Variants in CD6 observed in about 807,000 individuals in gnomAD.
CD6 encodes the protein CD6 molecule.
In CD6, 53 loss-of-function variants were observed where a neutral mutation model predicts 75.3. The ratio of observed to expected loss-of-function variants is 0.70; its 90% CI spans 0.56 to 0.88. CD6 has a LOEUF of 0.88. Ranked by LOEUF, CD6 falls within the 40% of genes least tolerant of loss-of-function variation. The pLI, the probability that CD6 is intolerant of heterozygous loss-of-function variation, is 0.00. For missense variants in CD6, 770 were observed against 897.1 expected (o/e 0.86, Z 1.81); for synonymous variants, 359 against 381.5 (o/e 0.94, Z 0.69).
At chr11:60,985,487 C>T (rs1469982870) in intron 1 of CD6, among the ~76,000 whole-genome samples, 1 of 151,972 alleles carries the variant, frequency 6.6e-6, no homozygotes, top group African/African-American at 2.4e-5. Context: ...ACCCGGCCAC[C>T]CTCTCCTTTT....
At chr11:61,010,302 A>T (rs888012995) in intron 5 of CD6, among the ~76,000 whole-genome samples, 4 of 151,916 alleles carry the variant, frequency 2.6e-5, no homozygotes, top group Middle Eastern at 3.2e-3. Context: ...CCTCATACCC[A>T]CTCTATGAGT....
At chr11:60,986,459 G>A (rs1857819240) in intron 1 of CD6, among the ~76,000 whole-genome samples, 1 of 152,172 alleles carries the variant, frequency 6.6e-6, no homozygotes, top group African/African-American at 2.4e-5. Flanking sequence ...AGGTAAAATG[G>A]GTGTGGCCAT....
At chr11:61,004,799 C>T (rs909182784) in intron 1 of CD6, among the ~76,000 whole-genome samples, 3 of 152,236 alleles carry the variant, frequency 2.0e-5, no homozygotes, top group African/African-American at 7.2e-5. Flanking sequence ...GGGTCAACAT[C>T]CCCTTCCCTC....
At chr11:61,006,392 G>A (rs531909124) in intron 1 of CD6, among the ~76,000 whole-genome samples, 182 bp from the exon 2 acceptor site, 1 of 152,298 alleles carries the variant, frequency 6.6e-6, no homozygotes, top group East Asian at 1.9e-4. Context: ...AAATGCCAAT[G>A]TTTGAGAACT....
intron 8 of CD6, 118 bp from the exon 9 acceptor site, chr11:61,015,595 G>T: frequency 8.5e-7 from 1 of 1,178,572 alleles, no homozygotes; most frequent in Non-Finnish European, 1.2e-6. Flanking sequence ...AAAAAAGGGG[G>T]CTACTTGGTG....
intron 9 of CD6, chr11:61,017,162 C>T: frequency 5.6e-6 from 2 of 357,868 alleles, no homozygotes; most frequent in South Asian, 6.6e-5. Flanking sequence ...CTTCTCCTGC[C>T]CAGAGCTGCC....
In CD6 at chr11:61,015,769, T is replaced by C. The variant is rs1859371427; in HGVS notation, c.1444T>C (p.Ser482Pro). Residue 482 changes from serine (S) to proline (P), a missense_variant, in exon 9 of 13, where the codon TCG (serine) becomes CCG (proline). Transcript: ENST00000313421. ...APPPEDSDSG[S>P]DSDYEHYDFS... ...GCCCCCTGAGGACTCAGACTCTGGC[T>C]CGGACTCAGACTATGAGCACTATGA... The C allele has an allele frequency of 6.2e-7, 1 of 1,614,076 alleles. No homozygotes were observed. Among genetic ancestry groups the C allele is most frequent in the Admixed American group, 1.7e-5 (1 of 60,002 alleles).
intron 1 of CD6, among the ~76,000 whole-genome samples, chr11:60,979,551 C>T (rs769325711): frequency 3.3e-5 from 5 of 151,978 alleles, no homozygotes; most frequent in Non-Finnish European, 7.4e-5. Flanking sequence ...ACTGCAACCT[C>T]CGCCTCCCAG....
Position 61,014,023 on chromosome 11 carries a change from TC to T in CD6, c.1387+14del. ...CACCATCCCCAAAGAAGGTAGGATG[TC>T]CCCCATCCTGGGTGTGGGAGGGCTG... On this transcript the variant is annotated intron_variant, in intron 8 of 12. Transcript: ENST00000313421. 6.3e-7 allele frequency: 1 copy of T among 1,599,778 alleles called. No homozygotes were observed. Among genetic ancestry groups the T allele is most frequent in the Non-Finnish European group, 8.6e-7 (1 of 1,169,464 alleles).
At chr11:61,012,258 G>A (rs540764990) in intron 6 of CD6, among the ~76,000 whole-genome samples, 7 of 152,286 alleles carry the variant, frequency 4.6e-5, no homozygotes, top group Admixed American at 3.9e-4. Context: ...AGGTTGGAGT[G>A]GGGATCCACG....
chr11:61,004,105 G>A (rs1009118152), intron 1 of CD6, among the ~76,000 whole-genome samples: 6 of 152,198 alleles, frequency 3.9e-5, no homozygotes, highest in Non-Finnish European at 7.3e-5. Flanking sequence ...CTTTATGCAT[G>A]AGAAAGTGGT....
chr11:60,999,671 A>G (rs1001189510), intron 1 of CD6, among the ~76,000 whole-genome samples: 2 of 152,074 alleles, frequency 1.3e-5, no homozygotes, highest in African/African-American at 4.8e-5. Context: ...CAACCCCCCA[A>G]TCACTTTTAG....
chr11:61,005,282 T>G (rs1399833265), intron 1 of CD6, among the ~76,000 whole-genome samples: 5 of 152,144 alleles, frequency 3.3e-5, no homozygotes, highest in African/African-American at 7.2e-5. Flanking sequence ...TGAGTCCGAG[T>G]AGGAGACAGT....
intron 11 of CD6, 61 bp downstream of exon 11, chr11:61,018,074 G>C (rs1347462623): frequency 1.3e-6 from 2 of 1,580,008 alleles, no homozygotes; most frequent in Non-Finnish European, 8.6e-7. Context: ...GAGGCATAAA[G>C]CTGGGAGCCC....
Position 61,020,011 on chromosome 11 carries a change from C to T in CD6, c.*693C>T, listed in dbSNP as rs1382472883. 8 of 397,188 alleles carry T rather than the reference C, an allele frequency of 2.0e-5. No homozygotes were observed. Among genetic ancestry groups the T allele is most frequent in the Non-Finnish European group, 8.9e-6 (2 of 225,840 alleles). 24.6% of individuals were successfully genotyped at this position (397,188 alleles called of 1,614,324 possible). A position where few individuals can be genotyped will look rare whatever the true frequency, so the allele number is the denominator to read the frequency against. On this transcript the variant is annotated 3_prime_UTR_variant, in exon 13 of 13. Transcript: ENST00000313421. ...AGAGACACTCCAAGTCCGCCAGGGG[C>T]ACAGACCAGTTCTGCAGTGACTGTC...
intron 1 of CD6, among the ~76,000 whole-genome samples, chr11:60,985,661 T>C (rs1216136490): frequency 6.6e-6 from 1 of 152,144 alleles, no homozygotes; most frequent in African/African-American, 2.4e-5. Flanking sequence ...CTCCATTCAT[T>C]AAGAAGTGTT....
At chr11:60,976,218 T>C (rs1039632208) in intron 1 of CD6, among the ~76,000 whole-genome samples, 2 of 152,228 alleles carry the variant, frequency 1.3e-5, no homozygotes, top group Non-Finnish European at 2.9e-5. Flanking sequence ...CTCCATTCTG[T>C]ATGTCCATGT....
rs1392958609 is a variant in CD6, at chr11:61,008,907, G to A, written c.781+62G>A. 7 of 1,386,952 alleles carry A rather than the reference G, an allele frequency of 5.0e-6. No homozygotes were observed. In the African/African-American group the frequency reaches 7.2e-5, roughly 14 times the overall value. 85.9% of individuals were successfully genotyped at this position (1,386,952 alleles called of 1,614,324 possible). A position where few individuals can be genotyped will look rare whatever the true frequency, so the allele number is the denominator to read the frequency against. ...AACACTCACCATAGGCCTACTGGGC[G>A]CCAAGCCTGGAGTTAGTGCCGGAGA... is the stretch of plus-strand genomic sequence containing the variant. On this transcript the variant is annotated intron_variant, in intron 4 of 12. Coordinates refer to ENST00000313421, the MANE Select transcript of CD6 (RefSeq NM_006725.5).
At chr11:60,994,113 G>A (rs929847876) in intron 1 of CD6, among the ~76,000 whole-genome samples, 4 of 152,150 alleles carry the variant, frequency 2.6e-5, no homozygotes, top group African/African-American at 4.8e-5. Context: ...AACATCATCT[G>A]TCCTGTGACA....
Sources: gnomAD v4.1 joint callset for allele counts (sites outside exome capture counted in the v4.1 genomes callset) on GRCh38, gnomAD v4.1.1 for gene constraint, MANE v1.5 for transcripts, NCBI Gene and HGNC (gene_info 2026-07-23, HGNC 2026-07-21) for gene names.